Variants in CCNJ observed in about 807,000 individuals in gnomAD.
CCNJ encodes cyclin-J.
A neutral mutation model predicts 41.4 loss-of-function variants in CCNJ; 12 were observed. The ratio of observed to expected loss-of-function variants is 0.29; its 90% CI spans 0.19 to 0.47. The LOEUF (loss-of-function observed/expected upper bound fraction) is 0.47, where lower values mean the gene tolerates loss of function less well. Among genes scored for constraint, CCNJ ranks in the 20% least tolerant of loss-of-function variants. The pLI is 1.00. For missense variants in CCNJ, 340 were observed against 464.6 expected (o/e 0.73, Z 2.47); for synonymous variants, 161 against 173.4 (o/e 0.93, Z 0.56).
upstream of CCNJ, among the ~76,000 whole-genome samples, chr10:96,043,215 G>A (rs1266505196): frequency 1.3e-5 from 2 of 152,250 alleles, no homozygotes; most frequent in African/African-American, 4.8e-5. Flanking sequence ...GCATCGAGGA[G>A]CCATCGAAGG....
rs2080752016 is a variant in CCNJ at position 96,058,424 on chromosome 10, T to G, written c.*183T>G. ...ATGAATCCTGGGAGACTAAGCAAAT[T>G]AACAGTATGTCAAATTCTGTTACAA... is the stretch of plus-strand genomic sequence containing the variant. On this transcript the variant is annotated 3_prime_UTR_variant, in exon 6 of 6. Coordinates refer to ENST00000465148, the MANE Select transcript of CCNJ (RefSeq NM_001134375.2). The G allele has an allele frequency of 9.0e-6, 5 of 556,762 alleles. No individual in the cohort carries two copies. In the South Asian group the frequency reaches 1.3e-4, roughly 15 times the overall value. 34.5% of individuals were successfully genotyped at this position (556,762 alleles called of 1,614,324 possible). A position where few individuals can be genotyped will look rare whatever the true frequency, so the allele number is the denominator to read the frequency against.
rs12571357 is a variant in CCNJ, at chr10:96,050,956, C to T, written c.280+490C>T. 1.2e-3 allele frequency among the ~76,000 whole-genome samples: 177 copies of T among 152,250 alleles called. 3 individuals carry two copies. The East Asian group carries it at 0.03, about 26-fold the overall frequency. ...GAGGCCTGGGATGCTGCTAAACATC[C>T]GGTAGTGTACAGGACAGTTTCCCAT... is the stretch of plus-strand genomic sequence containing the variant. On this transcript the variant is annotated intron_variant, in intron 3 of 5. Transcript: ENST00000465148.
chr10:96,053,529 C>T (rs1447385303), intron 3 of CCNJ, among the ~76,000 whole-genome samples: 3 of 152,152 alleles, frequency 2.0e-5, no homozygotes, highest in Non-Finnish European at 4.4e-5. Flanking sequence ...TTCTCCTATT[C>T]CAACTCTTTC....
At chr10:96,057,572 G>T (rs1201476329) in intron 5 of CCNJ, among the ~76,000 whole-genome samples, 1 of 152,196 alleles carries the variant, frequency 6.6e-6, no homozygotes. Context: ...CAAATTGGCA[G>T]CCACACTTAC....
chr10:96,056,266 G>C (rs867497907), intron 3 of CCNJ, among the ~76,000 whole-genome samples: 4 of 150,638 alleles, frequency 2.7e-5, no homozygotes, highest in Admixed American at 6.6e-5. Context: ...CCGAGATCAC[G>C]CCACTGCACT....
Position 96,044,373 on chromosome 10 carries a change from C to G in CCNJ, c.-21C>G. On this transcript the variant is annotated 5_prime_UTR_variant, in exon 2 of 6. Transcript: ENST00000465148. Reference sequence around the variant, plus strand: ...TACAGACTCGAGTTGCCGCGTCGGGCTGGGCGCGCCGCCGGGTCCCATGGA... The same window carrying G: ...TACAGACTCGAGTTGCCGCGTCGGGGTGGGCGCGCCGCCGGGTCCCATGGA... 2 of 1,509,832 alleles carry G rather than the reference C, an allele frequency of 1.3e-6. No individual in the cohort carries two copies. The highest frequency in any genetic ancestry group is 1.8e-6 in the Non-Finnish European group (2 of 1,121,778). The allele number at this position is 1,509,832 out of a possible 1,614,324, so 93.5% of individuals were successfully genotyped here.
chr10:96,048,165 C>T (rs1261680665), intron 2 of CCNJ, among the ~76,000 whole-genome samples: 1 of 152,166 alleles, frequency 6.6e-6, no homozygotes, highest in Admixed American at 6.5e-5. Context: ...GTATGTACCA[C>T]ATTTTATCCA....
intron 3 of CCNJ, among the ~76,000 whole-genome samples, chr10:96,051,742 C>G (rs1329861632): frequency 1.3e-5 from 2 of 152,302 alleles, no homozygotes; most frequent in Non-Finnish European, 2.9e-5. Context: ...ATTTCTGGTA[C>G]TAATCTCTTC....
At chr10:96,057,547 C>T (rs1404238332) in intron 5 of CCNJ, among the ~76,000 whole-genome samples, 1 of 152,142 alleles carries the variant, frequency 6.6e-6, no homozygotes, top group African/African-American at 2.4e-5. Flanking sequence ...ATTTTGGGGG[C>T]CACCAGGATG....
At chr10:96,043,459 C>T (rs2080268405), upstream of CCNJ, 1 of 383,936 alleles carries the variant, frequency 2.6e-6, no homozygotes, top group African/African-American at 2.1e-5. Flanking sequence ...GCACCTGGGC[C>T]CGGCCCGGCC....
chr10:96,043,750 C>G (rs2080277244), intron 1 of CCNJ, 31 bp downstream of exon 1: 2 of 388,918 alleles, frequency 5.1e-6, no homozygotes, highest in Non-Finnish European at 9.1e-6. Flanking sequence ...CCGGGCGGCC[C>G]GGCAGGCCTG....
At chr10:96,045,237 C>T (rs1419552502) in intron 2 of CCNJ, among the ~76,000 whole-genome samples, 2 of 152,196 alleles carry the variant, frequency 1.3e-5, no homozygotes, top group African/African-American at 2.4e-5. Flanking sequence ...ATTAATGAGA[C>T]ATTTCTGCCT....
chr10:96,043,238 G>C (rs1025229932), upstream of CCNJ, among the ~76,000 whole-genome samples: 1 of 152,240 alleles, frequency 6.6e-6, no homozygotes, highest in Non-Finnish European at 1.5e-5. Flanking sequence ...CTCAGCAGGT[G>C]AGTGGCCTAA....
chr10:96,057,766 G>C (rs2080733571), intron 5 of CCNJ, 64 bp from the exon 6 acceptor site: 1 of 1,501,294 alleles, frequency 6.7e-7, no homozygotes, highest in Admixed American at 1.8e-5. Flanking sequence ...GATGGGGCAT[G>C]ATTTTCTTGC....
intron 2 of CCNJ, 21 bp from the exon 3 acceptor site, chr10:96,050,235 A>G: frequency 6.4e-7 from 1 of 1,550,682 alleles, no homozygotes; most frequent in Non-Finnish European, 8.9e-7. Flanking sequence ...GTCAGACTAA[A>G]TGTTGTTCCT....
intron 1 of CCNJ, 32 bp downstream of exon 1, chr10:96,043,751 G>T (rs1258561688): frequency 2.6e-6 from 1 of 388,592 alleles, no homozygotes; most frequent in East Asian, 3.7e-5. Flanking sequence ...CGGGCGGCCC[G>T]GCAGGCCTGG....
At chr10:96,043,436 G>GCCGCCTGGCGCTGCACCTGGGCC (rs1172429511), upstream of CCNJ, 1 of 377,128 alleles carries the variant, frequency 2.7e-6, no homozygotes, top group Non-Finnish European at 4.7e-6. Flanking sequence ...CCGCCGCGCC[G>GCCGCCTGGCGCTGCACCTGGGCC]CCGCCTGGCG....
At chr10:96,047,489 C>CTT (rs2080396945) in intron 2 of CCNJ, among the ~76,000 whole-genome samples, 1 of 152,094 alleles carries the variant, frequency 6.6e-6, no homozygotes, top group Non-Finnish European at 1.5e-5. Context: ...TGTACAGAAA[C>CTT]TAACTGGGCG....
rs1350345190 is a variant in CCNJ, at chr10:96,057,804, T to A, written c.741-26T>A. On this transcript the variant is annotated intron_variant, in intron 5 of 5. Coordinates refer to ENST00000465148, the MANE Select transcript of CCNJ (RefSeq NM_001134375.2). ...ATTTCTTCTCAAGCAGTATTTTTAA[T>A]AGTTTCCTTTCTCTCCACGTTTCAG... 8.1e-6 allele frequency: 13 copies of A among 1,596,092 alleles called. No individual in the cohort carries two copies. The East Asian group carries it at 2.9e-4, about 36-fold the overall frequency.
Sources: gnomAD v4.1 joint callset for allele counts (sites outside exome capture counted in the v4.1 genomes callset) on GRCh38, gnomAD v4.1.1 for gene constraint, MANE v1.5 for transcripts, NCBI Gene and HGNC (gene_info 2026-07-23, HGNC 2026-07-21) for gene names.